Variants in USP6NL observed in about 807,000 individuals in gnomAD.
USP6NL encodes the protein USP6 N-terminal-like protein.
USP6NL carries 26 observed loss-of-function variants against 61.9 expected under a neutral mutation model. The ratio of observed to expected loss-of-function variants is 0.42; its 90% confidence interval spans 0.31 to 0.58. USP6NL has a LOEUF of 0.58. USP6NL is among the 20% of genes least tolerant of loss of function. USP6NL has a pLI of 0.16. For synonymous variants in USP6NL, 432 were observed against 390.1 expected (o/e 1.11, Z -1.27); for missense variants, 1,114 against 1,034.3 (o/e 1.08, Z -1.06).
In USP6NL at chr10:11,542,786, A is replaced by G. The variant is rs145650318; in HGVS notation, c.5-15219T>C. 2.4e-3 allele frequency among the ~76,000 whole-genome samples: 372 copies of G among 152,278 alleles called. 1 individual carries two copies. The highest frequency in any genetic ancestry group is 0.011 in the South Asian group (53 of 4,822). The stretch of plus-strand genomic sequence containing the variant: ...CATGTGGACAAGGAGAGAAAGCTGC[A>G]ATGTTACAATAAAAAGTCAGAGACC... On this transcript the variant is annotated intron_variant, in intron 2 of 14. Transcript: ENST00000609104.
At chr10:11,551,371 T>A (rs868658588) in intron 2 of USP6NL, among the ~76,000 whole-genome samples, 1 of 152,204 alleles carries the variant, frequency 6.6e-6, no homozygotes, top group Non-Finnish European at 1.5e-5. Flanking sequence ...TTCATTTATA[T>A]GAAATGCTAG....
intron 2 of USP6NL, among the ~76,000 whole-genome samples, chr10:11,542,355 G>A (rs7078627): frequency 0.12 from 17,785 of 152,146 alleles, 1,576 homozygotes; most frequent in East Asian, 0.42. Context: ...CTACAAAAAA[G>A]CTGATAGAAA....
rs940154567 is a variant in USP6NL at position 11,596,108 on chromosome 10, G to T, written c.4+1523C>A. On this transcript the variant is annotated intron_variant, in intron 2 of 14. Transcript: ENST00000609104. This position sits in a 1 kb window ranked among gnomAD's most constrained non-coding sequence, Gnocchi z 4.1. ...ACATGAAAGGCACAGGCTACCTGCC[G>T]TCAAAAAAACTTACATCTGCAACAC... 6.6e-6 allele frequency among the ~76,000 whole-genome samples: 1 copy of T among 152,068 alleles called. No homozygotes were observed. The highest frequency in any genetic ancestry group is 2.4e-5 in the African/African-American group (1 of 41,388).
intron 2 of USP6NL, among the ~76,000 whole-genome samples, chr10:11,551,128 G>C (rs1292320675): frequency 1.3e-5 from 2 of 152,114 alleles, no homozygotes; most frequent in Non-Finnish European, 2.9e-5. Flanking sequence ...CTCACTCCTA[G>C]GTATCTACGC....
intron 2 of USP6NL, among the ~76,000 whole-genome samples, chr10:11,536,061 A>G (rs1034104018): frequency 1.3e-5 from 2 of 152,232 alleles, no homozygotes; most frequent in Non-Finnish European, 2.9e-5. Flanking sequence ...AGGAAGGTAC[A>G]TCTGCAACAA....
At chr10:11,606,384 A>G (rs554389038) in intron 1 of USP6NL, among the ~76,000 whole-genome samples, 1 of 152,232 alleles carries the variant, frequency 6.6e-6, no homozygotes, top group African/African-American at 2.4e-5. Flanking sequence ...ATTATTCCAC[A>G]TGGAAGGTCA....
rs527976331 is a variant in USP6NL, at chr10:11,518,305, T to C, written c.195+230A>G. On this transcript the variant is annotated intron_variant, in intron 5 of 14. Transcript: ENST00000609104. This position sits in a 1 kb window ranked among gnomAD's most constrained non-coding sequence, Gnocchi z 5.3. The stretch of plus-strand genomic sequence containing the variant: ...TCTGAAGCACGCCTAGCTCAGGACC[T>C]GCCAGTCTAGAATGAAGTCTGCCAA... Among the ~76,000 whole-genome samples, 20 of 152,346 alleles carry C rather than the reference T, an allele frequency of 1.3e-4. No homozygotes were observed. The highest frequency in any genetic ancestry group is 4.6e-4 in the African/African-American group (19 of 41,578).
rs2133539890 is a variant in USP6NL at position 11,562,936 on chromosome 10, T to C, written c.4+34695A>G. On this transcript the variant is annotated intron_variant, in intron 2 of 14. Coordinates refer to ENST00000609104, the MANE Select transcript of USP6NL (RefSeq NM_014688.5). The surrounding 1 kb of genome is among the most constrained non-coding windows in gnomAD (Gnocchi z 4.8). Reference sequence around the variant, plus strand: ...TATCTATCCCACAGAAATAAAAATTTATATTTATGTCGACACAAAAATCTG... The same window carrying C: ...TATCTATCCCACAGAAATAAAAATTCATATTTATGTCGACACAAAAATCTG... 4.0e-6 allele frequency: 1 copy of C among 249,244 alleles called. No homozygotes were observed. The highest frequency in any genetic ancestry group is 2.0e-3 in the Middle Eastern group (1 of 500). The allele number at this position is 249,244 out of a possible 1,614,324, so 15.4% of individuals were successfully genotyped here. A position where few individuals can be genotyped will look rare whatever the true frequency, so the allele number is the denominator to read the frequency against.
chr10:11,469,484 C>A (rs1024736699), intron 14 of USP6NL, among the ~76,000 whole-genome samples: 1 of 152,200 alleles, frequency 6.6e-6, no homozygotes, highest in African/African-American at 2.4e-5. Flanking sequence ...ATGACGCTGC[C>A]TCTAATCCAT....
intron 4 of USP6NL, among the ~76,000 whole-genome samples, chr10:11,521,441 T>G (rs959822881): frequency 1.3e-5 from 2 of 151,014 alleles, no homozygotes; most frequent in Non-Finnish European, 1.5e-5. Context: ...AGTGCAACGG[T>G]GCGATCTCCG....
chr10:11,555,374 C>T (rs561564524), intron 2 of USP6NL, among the ~76,000 whole-genome samples: 2 of 134,660 alleles, frequency 1.5e-5, no homozygotes, highest in Admixed American at 1.6e-4. Context: ...GAGATCGCAC[C>T]ATTGCACTCC....
At chr10:11,486,943 A>G (rs1024312891) in intron 10 of USP6NL, among the ~76,000 whole-genome samples, 10 of 152,150 alleles carry the variant, frequency 6.6e-5, no homozygotes, top group Admixed American at 3.9e-4. Flanking sequence ...ACTGGGCAGA[A>G]TTATTTCTTA....
chr10:11,560,344 A>G (rs1430192086), intron 2 of USP6NL, among the ~76,000 whole-genome samples: 1 of 152,172 alleles, frequency 6.6e-6, no homozygotes, highest in Non-Finnish European at 1.5e-5. Flanking sequence ...ATCACTCAGC[A>G]GGTACAGGAC....
At chr10:11,509,418 G>C (rs549288032) in intron 6 of USP6NL, among the ~76,000 whole-genome samples, 177 bp downstream of exon 6, 2 of 152,094 alleles carry the variant, frequency 1.3e-5, no homozygotes, top group African/African-American at 4.8e-5. Context: ...AATCCGAATC[G>C]GGTATTACGT....
At position 11,598,877 on chromosome 10, in the gene USP6NL, C is replaced by T. The variant is rs1166327521; in HGVS notation, c.-83-1160G>A. On this transcript the variant is annotated intron_variant, in intron 1 of 14. Coordinates refer to ENST00000609104, the MANE Select transcript of USP6NL (RefSeq NM_014688.5). The surrounding 1 kb of genome is among the most constrained non-coding windows in gnomAD (Gnocchi z 4.7). ...CAGACTGCATCAGCACTTACGTGCC[C>T]AGCATGGCCCGCACACTGTAATTAG... Among the ~76,000 whole-genome samples the T allele has an allele frequency of 6.6e-6, 1 of 152,244 alleles. No homozygotes were observed. The highest frequency in any genetic ancestry group is 1.5e-5 in the Non-Finnish European group (1 of 68,050).
At position 11,553,464 on chromosome 10, in the gene USP6NL, C is replaced by T. The variant is rs1336105798; in HGVS notation, c.5-25897G>A. On this transcript the variant is annotated intron_variant, in intron 2 of 14. Transcript: ENST00000609104. The surrounding 1 kb of genome is among the most constrained non-coding windows in gnomAD (Gnocchi z 4.8). The stretch of plus-strand genomic sequence containing the variant: ...CTTACGAGACTACTCACTCAGGTGA[C>T]CTGTTATGTATGCCAAAACTAAATA... Among the ~76,000 whole-genome samples the T allele has an allele frequency of 2.6e-5, 4 of 152,198 alleles. No individual in the cohort carries two copies. The highest frequency in any genetic ancestry group is 4.4e-5 in the Non-Finnish European group (3 of 68,044).
chr10:11,531,301 T>C (rs148646381), intron 2 of USP6NL, among the ~76,000 whole-genome samples: 1 of 152,242 alleles, frequency 6.6e-6, no homozygotes, highest in African/African-American at 2.4e-5. Context: ...TGCAGAAATA[T>C]GTAGATCAAC....
intron 6 of USP6NL, 23 bp from the exon 7 acceptor site, chr10:11,501,231 G>A: frequency 6.3e-7 from 1 of 1,576,902 alleles, no homozygotes; most frequent in East Asian, 2.2e-5. Context: ...AAAAGAAACT[G>A]AAGGTTACAA....
chr10:11,461,473 T>C lies in USP6NL; in HGVS notation c.*968A>G, dbSNP rs2096213946. On this transcript the variant is annotated 3_prime_UTR_variant, in exon 15 of 15. Coordinates refer to ENST00000609104, the MANE Select transcript of USP6NL (RefSeq NM_014688.5). ...ATAAATGGCCACCCTGGGACCTTCG[T>C]GGGGAGAAGCCATGTGAGTCGAGGC... 6.6e-6 allele frequency: 1 copy of C among 152,218 alleles called. No individual in the cohort carries two copies. Among genetic ancestry groups the C allele is most frequent in the Admixed American group, 6.5e-5 (1 of 15,282 alleles). The allele number at this position is 152,218 out of a possible 1,614,324, so 9.4% of individuals were successfully genotyped here.
Sources: gnomAD v4.1 joint callset for allele counts (sites outside exome capture counted in the v4.1 genomes callset) on GRCh38, gnomAD v4.1.1 for gene constraint, Gnocchi (gnomAD v3.1) non-coding constraint, MANE v1.5 for transcripts, NCBI Gene and HGNC (gene_info 2026-07-23, HGNC 2026-07-21) for gene names.